SAPCD2: variants seen among roughly 807,000 people sequenced by gnomAD.
SAPCD2 encodes the protein suppressor APC domain-containing protein 2.
SAPCD2 carries 34 observed loss-of-function variants against 37.8 expected under a neutral mutation model. The observed-to-expected ratio is 0.90, with a 90% confidence interval of 0.68 to 1.20. SAPCD2 has a LOEUF of 1.20. Among genes scored for constraint, SAPCD2 ranks in the 50% most tolerant of loss-of-function variants. The pLI is 0.00. For missense variants in SAPCD2, 572 were observed against 584.7 expected (o/e 0.98, Z 0.22); for synonymous variants, 275 against 270.3 (o/e 1.02, Z -0.17).
chr9:137,065,414 C>T (rs548655513), intron 3 of SAPCD2, 108 bp downstream of exon 3: 8 of 1,332,666 alleles, frequency 6.0e-6, no homozygotes, highest in South Asian at 2.9e-5. Flanking sequence ...TGGGTGGAAT[C>T]GACAGCCACT....
In SAPCD2 at chr9:137,063,794, G is replaced by A. The variant is rs1050017545; in HGVS notation, c.*865C>T. ...AGGTGGCCTCTCCCAGCTGAAACCT[G>A]GGGACAGGCTGGGCGTGAGAGCAAA... On this transcript the variant is annotated 3_prime_UTR_variant, in exon 6 of 6. Transcript: ENST00000409687. 5.3e-5 allele frequency: 8 copies of A among 152,344 alleles called. No individual in the cohort carries two copies. Among genetic ancestry groups the A allele is most frequent in the African/African-American group, 1.9e-4 (8 of 41,440 alleles). The allele number at this position is 152,344 out of a possible 1,614,324, so 9.4% of individuals were successfully genotyped here.
Position 137,064,385 on chromosome 9 carries a change from A to G in SAPCD2, c.*274T>C. 1 of 533,544 alleles carries G rather than the reference A, an allele frequency of 1.9e-6. No homozygotes were observed. The highest frequency in any genetic ancestry group is 3.4e-6 in the Non-Finnish European group (1 of 295,366). 33.1% of individuals were successfully genotyped at this position (533,544 alleles called of 1,614,324 possible). ...GAGGGGTACCCCACTGTCCACTGAC[A>G]GCGGCAGTAGTAGCTGCGGACTATG... On this transcript the variant is annotated 3_prime_UTR_variant, in exon 6 of 6. Coordinates refer to ENST00000409687, the MANE Select transcript of SAPCD2 (RefSeq NM_178448.4).
Position 137,070,126 on chromosome 9 carries a change from G to A in SAPCD2, c.335C>T (p.Pro112Leu). Residue 112 changes from proline (P) to leucine (L), a missense_variant, in exon 1 of 6, where the codon CCC becomes CTC. Coordinates refer to ENST00000409687, the MANE Select transcript of SAPCD2 (RefSeq NM_178448.4). The stretch of plus-strand genomic sequence containing the variant: ...CGGCGGCGGCGGCGGCTGATCCCCG[G>A]GCCGGGCCGGGGCGCGCGTGGGGTC... ...PRDPTRAPARPGDQPPPPPQR... is the reference protein window; with the variant it reads ...PRDPTRAPARLGDQPPPPPQR... The A allele has an allele frequency of 8.4e-7, 1 of 1,194,146 alleles. No homozygotes were observed. Among genetic ancestry groups the A allele is most frequent in the Non-Finnish European group, 1.0e-6 (1 of 965,020 alleles). The allele number at this position is 1,194,146 out of a possible 1,614,324, so 74.0% of individuals were successfully genotyped here.
intron 2 of SAPCD2, among the ~76,000 whole-genome samples, chr9:137,065,948 CT>C (rs1832539679): frequency 6.6e-6 from 1 of 152,218 alleles, no homozygotes; most frequent in Non-Finnish European, 1.5e-5. Flanking sequence ...GTGACGGACC[CT>C]TCAGCTGAGC....
chr9:137,069,878 TC>T lies in SAPCD2; in HGVS notation c.571+11del. 1 of 1,262,838 alleles carries T rather than the reference TC, an allele frequency of 7.9e-7. No individual in the cohort carries two copies. Among genetic ancestry groups the T allele is most frequent in the Non-Finnish European group, 1.0e-6 (1 of 1,002,360 alleles). 78.2% of individuals were successfully genotyped at this position (1,262,838 alleles called of 1,614,324 possible). A position where few individuals can be genotyped will look rare whatever the true frequency, so the allele number is the denominator to read the frequency against. ...GAGCTACGAGGGTGCCCGGGGGCCG[TC>T]CGGAACTCACCTGCGTCCGCGCTGG... is the stretch of plus-strand genomic sequence containing the variant. On this transcript the variant is annotated intron_variant, in intron 1 of 5. Transcript: ENST00000409687.
In SAPCD2 at chr9:137,064,708, C is replaced by G. The variant is rs1365474484; in HGVS notation, c.1136G>C (p.Arg379Pro). 1.3e-6 allele frequency: 2 copies of G among 1,595,052 alleles called. No homozygotes were observed. The highest frequency in any genetic ancestry group is 1.7e-6 in the Non-Finnish European group (2 of 1,171,952). Residue 379 changes from arginine (R) to proline (P), a missense_variant, in exon 6 of 6, where the codon CGC (arginine) becomes CCC (proline). Coordinates refer to ENST00000409687, the MANE Select transcript of SAPCD2 (RefSeq NM_178448.4). ...SALIKQLFEA[R>P]ALSQQDGGPL... ...TCCCCCGTCCTGCTGGCTCAGGGCG[C>G]GGGCCTCAAACAGCTGCTTAATGAG...
intron 1 of SAPCD2, among the ~76,000 whole-genome samples, chr9:137,067,488 C>T (rs1193589345): frequency 6.7e-6 from 1 of 148,720 alleles, no homozygotes; most frequent in South Asian, 2.2e-4. Context: ...AAAAAGATCC[C>T]TTGCCGGGCA....
At chr9:137,068,983 G>T (rs1460515563) in intron 1 of SAPCD2, among the ~76,000 whole-genome samples, 2 of 152,260 alleles carry the variant, frequency 1.3e-5, no homozygotes, top group Admixed American at 6.5e-5. Context: ...GGAGAATATG[G>T]CTGAGGTGGG....
At chr9:137,065,207 A>G in intron 3 of SAPCD2, 22 bp from the exon 4 acceptor site, 1 of 1,424,268 alleles carries the variant, frequency 7.0e-7, no homozygotes, top group Non-Finnish European at 9.2e-7. Context: ...GCAGAGGACA[A>G]GCGGTCAGAG....
chr9:137,070,258 AC>A lies in SAPCD2; in HGVS notation c.202del (p.Val68CysfsTer15). 1 of 1,444,036 alleles carries A rather than the reference AC, an allele frequency of 6.9e-7. No individual in the cohort carries two copies. The highest frequency in any genetic ancestry group is 9.1e-7 in the Non-Finnish European group (1 of 1,098,922). The allele number at this position is 1,444,036 out of a possible 1,614,324, so 89.5% of individuals were successfully genotyped here. A position where few individuals can be genotyped will look rare whatever the true frequency, so the allele number is the denominator to read the frequency against. On this transcript the variant is annotated frameshift_variant, in exon 1 of 6. Coordinates refer to ENST00000409687, the MANE Select transcript of SAPCD2 (RefSeq NM_178448.4). LOFTEE classifies it high-confidence loss of function. ...GTDARELPRGVLEGLRQVAPA... is the reference protein window; with the variant it reads ...GTDARELPRGXLEGLRQVAPA... ...GGCCACCTGGCGCAAGCCCTCCAGC[AC>A]CCCGCGGGGCAGCTCCCGCGCGTCG... is the stretch of plus-strand genomic sequence containing the variant.
rs1054768839 is a variant in SAPCD2, at chr9:137,070,416, G to T, written c.45C>A (p.Pro15=). ...GCCCCTCCGTGCTGGGCGCGGGTGC[G>T]GGGGGAGGCACGCGGCCCCGCTCGG... The part of the protein sequence containing the change: ...AMAERGRVPP[P]APAPSTEGLP... Residue 15 remains proline (P), a synonymous_variant, in exon 1 of 6, where the codon CCC becomes CCA. Transcript: ENST00000409687. 7.7e-7 allele frequency: 1 copy of T among 1,301,122 alleles called. No individual in the cohort carries two copies. The highest frequency in any genetic ancestry group is 9.8e-7 in the Non-Finnish European group (1 of 1,024,550). The allele number at this position is 1,301,122 out of a possible 1,614,324, so 80.6% of individuals were successfully genotyped here.
Position 137,064,408 on chromosome 9 carries a change from A to G in SAPCD2, c.*251T>C, listed in dbSNP as rs986928679. 3.0e-5 allele frequency: 17 copies of G among 568,216 alleles called. No individual in the cohort carries two copies. The highest frequency in any genetic ancestry group is 4.4e-5 in the Non-Finnish European group (14 of 316,722). The allele number at this position is 568,216 out of a possible 1,614,324, so 35.2% of individuals were successfully genotyped here. A position where few individuals can be genotyped will look rare whatever the true frequency, so the allele number is the denominator to read the frequency against. On this transcript the variant is annotated 3_prime_UTR_variant, in exon 6 of 6. Coordinates refer to ENST00000409687, the MANE Select transcript of SAPCD2 (RefSeq NM_178448.4). ...ACAGCGGCAGTAGTAGCTGCGGACT[A>G]TGCGGACTCAAGAGAGCCCCAGCCC...
chr9:137,070,151 C>G lies in SAPCD2; in HGVS notation c.310G>C (p.Asp104His). The stretch of plus-strand genomic sequence containing the variant: ...GGCCGGGCCGGGGCGCGCGTGGGGT[C>G]CCGGGGGCCGCCGTCGGCGCTCAGC... ...SLLSADGGPRDPTRAPARPGD... is the reference protein window; with the variant it reads ...SLLSADGGPRHPTRAPARPGD... Residue 104 changes from aspartate (D) to histidine (H), a missense_variant, in exon 1 of 6, where the codon GAC (aspartate) becomes CAC (histidine). Coordinates refer to ENST00000409687, the MANE Select transcript of SAPCD2 (RefSeq NM_178448.4). 1 of 1,214,070 alleles carries G rather than the reference C, an allele frequency of 8.2e-7. No individual in the cohort carries two copies. Among genetic ancestry groups the G allele is most frequent in the Non-Finnish European group, 1.0e-6 (1 of 976,666 alleles). 75.2% of individuals were successfully genotyped at this position (1,214,070 alleles called of 1,614,324 possible).
At chr9:137,066,782 G>C (rs1324156902) in intron 1 of SAPCD2, among the ~76,000 whole-genome samples, 1 of 152,152 alleles carries the variant, frequency 6.6e-6, no homozygotes, top group Non-Finnish European at 1.5e-5. Context: ...CCATCTGCAC[G>C]GGGTCCTGCA....
intron 1 of SAPCD2, among the ~76,000 whole-genome samples, chr9:137,067,774 C>CAAAAAAAAA (rs36035728): frequency 1.1e-4 from 5 of 44,676 alleles, no homozygotes; most frequent in Non-Finnish European, 7.6e-5. Flanking sequence ...GACTCCATCT[C>CAAAAAAAAA]AAAAAAAAAA....
chr9:137,062,879 T>C lies in SAPCD2; in HGVS notation c.*1780A>G, dbSNP rs1305995565. On this transcript the variant is annotated 3_prime_UTR_variant, in exon 6 of 6. Coordinates refer to ENST00000409687, the MANE Select transcript of SAPCD2 (RefSeq NM_178448.4). Reference sequence around the variant, plus strand: ...TCCGGAGGTGCCAGCCTGTCTCACATTTCCGCTTCAGCTGCGGGGTCCAGC... The same window carrying C: ...TCCGGAGGTGCCAGCCTGTCTCACACTTCCGCTTCAGCTGCGGGGTCCAGC... 2.0e-5 allele frequency: 3 copies of C among 152,256 alleles called. No individual in the cohort carries two copies. Among genetic ancestry groups the C allele is most frequent in the Non-Finnish European group, 4.4e-5 (3 of 68,042 alleles). 9.4% of individuals were successfully genotyped at this position (152,256 alleles called of 1,614,324 possible). A position where few individuals can be genotyped will look rare whatever the true frequency, so the allele number is the denominator to read the frequency against.
In SAPCD2 at chr9:137,065,602, G is replaced by A. The variant is rs751542754; in HGVS notation, c.751C>T (p.Arg251Trp). 1.4e-5 allele frequency: 23 copies of A among 1,610,868 alleles called. No individual in the cohort carries two copies. In the Admixed American group the frequency reaches 1.7e-4, roughly 12 times the overall value. Residue 251 changes from arginine (R) to tryptophan (W), a missense_variant, in exon 3 of 6, where the codon CGG becomes TGG. Coordinates refer to ENST00000409687, the MANE Select transcript of SAPCD2 (RefSeq NM_178448.4). ...TGCTGCTGGTACCAGTCGCGGCCCC[G>A]CGCCATCATCTCCAAACCCTGCAGC... ...VLLQGLEMMA[R>W]GRDWYQQQLQ... is the part of the protein sequence containing the mutation.
At position 137,070,368 on chromosome 9, in the gene SAPCD2, G is replaced by A. The variant is rs1378114778; in HGVS notation, c.93C>T (p.Ser31=). The part of the protein sequence containing the change: ...TEGLPRAFLQ[S]LRTLFDILDD... Reference sequence around the variant, plus strand: ...CCAGGATGTCGAACAGGGTGCGCAGGCTCTGCAGGAAGGCGCGCGGCAGCC... The same window carrying A: ...CCAGGATGTCGAACAGGGTGCGCAGACTCTGCAGGAAGGCGCGCGGCAGCC... The change falls in exon 1 of 6, where the codon AGC becomes AGT. Residue 31 remains serine (S), a synonymous_variant. Transcript: ENST00000409687. 4.2e-6 allele frequency: 6 copies of A among 1,434,254 alleles called. No homozygotes were observed. Among genetic ancestry groups the A allele is most frequent in the Non-Finnish European group, 5.5e-6 (6 of 1,091,774 alleles). 88.8% of individuals were successfully genotyped at this position (1,434,254 alleles called of 1,614,324 possible). A position where few individuals can be genotyped will look rare whatever the true frequency, so the allele number is the denominator to read the frequency against.
At chr9:137,065,760 GC>G in intron 2 of SAPCD2, 92 bp from the exon 3 acceptor site, 1 of 1,442,402 alleles carries the variant, frequency 6.9e-7, no homozygotes. Context: ...GGGCACCAGA[GC>G]CACAGACACA....
Sources: allele counts gnomAD v4.1 joint callset (sites outside exome capture counted in the v4.1 genomes callset), GRCh38; gene constraint gnomAD v4.1.1; transcripts MANE v1.5; gene names NCBI Gene and HGNC (gene_info 2026-07-23, HGNC 2026-07-21).